The following LNX2 variants were observed in gnomAD, a reference collection of about 807,000 sequenced individuals.
LNX2 encodes ligand of Numb protein X 2.
LNX2 carries 35 observed loss-of-function variants against 66.2 expected under a neutral mutation model. That is an observed-to-expected ratio of 0.53 (90% CI 0.40 to 0.70). The LOEUF is 0.70. Ranked by LOEUF, LNX2 falls within the 30% of genes least tolerant of loss-of-function variation. The pLI, the probability that LNX2 is intolerant of heterozygous loss-of-function variation, is 0.00. For synonymous variants in LNX2, 337 were observed against 315.6 expected (o/e 1.07, Z -0.72); for missense variants, 791 against 850.8 (o/e 0.93, Z 0.87).
chr13:27,611,844 T>G (rs1009112730), intron 1 of LNX2, among the ~76,000 whole-genome samples: 8 of 152,194 alleles, frequency 5.3e-5, no homozygotes, highest in Admixed American at 5.2e-4. Flanking sequence ...ATGTTATGCT[T>G]TAAGAACAAT....
At chr13:27,596,094 T>G (rs1346704940) in intron 1 of LNX2, among the ~76,000 whole-genome samples, 1 of 152,204 alleles carries the variant, frequency 6.6e-6, no homozygotes, top group African/African-American at 2.4e-5. Context: ...TTGAACTGCA[T>G]GGGTTCACTC....
At position 27,599,577 on chromosome 13, in the gene LNX2, T is replaced by C. The variant is rs140352917; in HGVS notation, c.-100-17774A>G. Reference sequence around the variant, plus strand: ...ACAATATACTTATGTTCTAACCAGGTAAAGGTCAATTAGTAATCCATATTT... The same window carrying C: ...ACAATATACTTATGTTCTAACCAGGCAAAGGTCAATTAGTAATCCATATTT... On this transcript the variant is annotated intron_variant, in intron 1 of 9. Coordinates refer to ENST00000316334, the MANE Select transcript of LNX2 (RefSeq NM_153371.4). 3.5e-3 allele frequency among the ~76,000 whole-genome samples: 529 copies of C among 152,276 alleles called. 1 individual carries two copies. Among genetic ancestry groups the C allele is most frequent in the African/African-American group, 0.012 (506 of 41,574 alleles).
At chr13:27,559,103 G>C (rs1955098060) in intron 6 of LNX2, among the ~76,000 whole-genome samples, 1 of 152,104 alleles carries the variant, frequency 6.6e-6, no homozygotes, top group African/African-American at 2.4e-5. Flanking sequence ...GAGTTCAAAT[G>C]AAGGATGAAA....
intron 1 of LNX2, among the ~76,000 whole-genome samples, chr13:27,596,588 C>A (rs781135734): frequency 4.6e-5 from 7 of 152,132 alleles, no homozygotes; most frequent in Non-Finnish European, 7.4e-5. Context: ...TTAACTTTTT[C>A]TCTTTTTCTT....
chr13:27,580,343 GT>G, intron 2 of LNX2, among the ~76,000 whole-genome samples: 1 of 152,068 alleles, frequency 6.6e-6, no homozygotes, highest in Admixed American at 6.5e-5. Flanking sequence ...GATTTTATGT[GT>G]GAGTATAATA....
intron 1 of LNX2, among the ~76,000 whole-genome samples, chr13:27,597,835 A>G (rs781518811): frequency 2.6e-5 from 4 of 152,174 alleles, no homozygotes; most frequent in Non-Finnish European, 4.4e-5. Flanking sequence ...GCATAGACAT[A>G]TCAAAGAAAA....
intron 2 of LNX2, among the ~76,000 whole-genome samples, chr13:27,572,695 A>G (rs1352234143): frequency 6.6e-6 from 1 of 152,216 alleles, no homozygotes; most frequent in Non-Finnish European, 1.5e-5. Flanking sequence ...TCATTCCCTG[A>G]TAACAACTGC....
At chr13:27,549,152 C>T (rs61944757) in intron 9 of LNX2, among the ~76,000 whole-genome samples, 9,569 of 152,172 alleles carry the variant, frequency 0.063, 406 homozygotes, top group Non-Finnish European at 0.091. Flanking sequence ...CTACTCTGTC[C>T]TCCTAAAATG....
chr13:27,593,799 T>G (rs1379234340), intron 1 of LNX2, among the ~76,000 whole-genome samples: 1 of 150,712 alleles, frequency 6.6e-6, no homozygotes, highest in Non-Finnish European at 1.5e-5. Flanking sequence ...TTTCACCTTG[T>G]TGGTCAGGCT....
intron 1 of LNX2, among the ~76,000 whole-genome samples, chr13:27,588,911 C>T (rs1955521903): frequency 6.6e-6 from 1 of 152,016 alleles, no homozygotes. Flanking sequence ...AATCTGGAGT[C>T]TCATATATGT....
chr13:27,596,625 T>G (rs1211691870), intron 1 of LNX2, among the ~76,000 whole-genome samples: 2 of 152,220 alleles, frequency 1.3e-5, no homozygotes, highest in East Asian at 1.9e-4. Context: ...CGTTTCAATA[T>G]TACATTCTTT....
intron 8 of LNX2, among the ~76,000 whole-genome samples, chr13:27,552,494 AGCTTAGTTT>A (rs1955017937): frequency 6.6e-6 from 1 of 152,244 alleles, no homozygotes; most frequent in African/African-American, 2.4e-5. Context: ...AATGCTTCAT[AGCTTAGTTT>A]TAGGATTCTT....
rs1361965270 is a variant in LNX2 at position 27,547,227 on chromosome 13, C to G, written c.*1108G>C. The G allele has an allele frequency of 6.6e-6, 1 of 152,128 alleles. No individual in the cohort carries two copies. Among genetic ancestry groups the G allele is most frequent in the African/African-American group, 2.4e-5 (1 of 41,446 alleles). The allele number at this position is 152,128 out of a possible 1,614,324, so 9.4% of individuals were successfully genotyped here. A position where few individuals can be genotyped will look rare whatever the true frequency, so the allele number is the denominator to read the frequency against. On this transcript the variant is annotated 3_prime_UTR_variant, in exon 10 of 10. Coordinates refer to ENST00000316334, the MANE Select transcript of LNX2 (RefSeq NM_153371.4). ...GCCAAGATTACTGCTAAGAATAACA[C>G]AACTCTAGAAATAATTTTTTAGCAA... is the stretch of plus-strand genomic sequence containing the variant.
chr13:27,572,848 G>C (rs541084472), intron 2 of LNX2, among the ~76,000 whole-genome samples: 1 of 152,136 alleles, frequency 6.6e-6, no homozygotes, highest in Admixed American at 6.5e-5. Context: ...CACAATGCCA[G>C]GTATTTAATG....
At chr13:27,569,004 A>T (rs373287191) in intron 3 of LNX2, 25 bp downstream of exon 3, 1 of 1,581,380 alleles carries the variant, frequency 6.3e-7, no homozygotes, top group Non-Finnish European at 8.6e-7. Flanking sequence ...GAGATGAAAT[A>T]CACAAGGAGT....
At chr13:27,566,736 C>G (rs1188428912) in intron 4 of LNX2, among the ~76,000 whole-genome samples, 1 of 152,128 alleles carries the variant, frequency 6.6e-6, no homozygotes, top group Non-Finnish European at 1.5e-5. Context: ...ATCAACAGGT[C>G]ATGGTGAAGG....
chr13:27,568,912 TTC>T lies in LNX2; in HGVS notation c.655+115_655+116del, dbSNP rs754502363. The T allele has an allele frequency of 3.1e-5, 34 of 1,094,254 alleles. No homozygotes were observed. In the East Asian group the frequency reaches 6.8e-4, roughly 22 times the overall value. 67.8% of individuals were successfully genotyped at this position (1,094,254 alleles called of 1,614,324 possible). A position where few individuals can be genotyped will look rare whatever the true frequency, so the allele number is the denominator to read the frequency against. ...TATATCTCAATGAAGTTTCTTTTAT[TTC>T]TGTTTATTTTTATTTTTTAAATTTT... On this transcript the variant is annotated intron_variant, in intron 3 of 9. Coordinates refer to ENST00000316334, the MANE Select transcript of LNX2 (RefSeq NM_153371.4).
At chr13:27,576,721 T>A (rs1192920434) in intron 2 of LNX2, among the ~76,000 whole-genome samples, 2 of 148,394 alleles carry the variant, frequency 1.3e-5, no homozygotes, top group Non-Finnish European at 1.5e-5. Flanking sequence ...CGAGATGCTA[T>A]CTCCAGAAAA....
intron 1 of LNX2, among the ~76,000 whole-genome samples, chr13:27,613,490 G>A (rs1955794698): frequency 6.6e-6 from 1 of 152,204 alleles, no homozygotes; most frequent in African/African-American, 2.4e-5. Flanking sequence ...AGTGGAAGCA[G>A]GCCGGGCGTG....
Sources: allele counts gnomAD v4.1 joint callset (sites outside exome capture counted in the v4.1 genomes callset), GRCh38; gene constraint gnomAD v4.1.1; transcripts MANE v1.5; gene names NCBI Gene and HGNC (gene_info 2026-07-23, HGNC 2026-07-21).